Variants in NKAIN3 observed in about 807,000 individuals in gnomAD.
NKAIN3 encodes sodium/potassium transporting ATPase interacting 3, also known as sodium/potassium-transporting ATPase subunit beta-1-interacting protein 3.
Under a neutral mutation model 30.2 loss-of-function variants are expected in NKAIN3, and 25 were observed. The observed-to-expected ratio is 0.83, with a 90% CI of 0.60 to 1.16. The LOEUF (loss-of-function observed/expected upper bound fraction) is 1.16. Ranked by LOEUF, NKAIN3 falls within the 50% of genes most tolerant of loss-of-function variation. The pLI, the probability that NKAIN3 is intolerant of heterozygous loss-of-function variation, is 0.00. For synonymous variants in NKAIN3, 91 were observed against 89.6 expected (o/e 1.02, Z -0.09); for missense variants, 225 against 254.1 (o/e 0.89, Z 0.78).
chr8:62,625,644 G>A (rs745863263), intron 3 of NKAIN3, among the ~76,000 whole-genome samples: 1 of 152,092 alleles, frequency 6.6e-6, no homozygotes, highest in African/African-American at 2.4e-5. Flanking sequence ...TTCTGACAGA[G>A]AAATTAACTG....
At chr8:62,577,896 C>T (rs1810166980) in intron 1 of NKAIN3, among the ~76,000 whole-genome samples, 1 of 152,092 alleles carries the variant, frequency 6.6e-6, no homozygotes, top group Admixed American at 6.6e-5. Flanking sequence ...CTTCTCTTTT[C>T]CGCCACCGCT....
At chr8:62,263,713 A>G (rs769651319) in intron 1 of NKAIN3, among the ~76,000 whole-genome samples, 2 of 152,204 alleles carry the variant, frequency 1.3e-5, no homozygotes, top group Non-Finnish European at 2.9e-5. Context: ...TGTGACTGAA[A>G]ACATAGTGTA....
intron 4 of NKAIN3, among the ~76,000 whole-genome samples, chr8:62,886,547 CA>C (rs947052843): frequency 2.0e-5 from 3 of 152,030 alleles, no homozygotes; most frequent in Non-Finnish European, 4.4e-5. Flanking sequence ...CAAATTATCT[CA>C]ATTTTTTATT....
At chr8:62,577,477 G>A (rs200529694) in intron 1 of NKAIN3, among the ~76,000 whole-genome samples, 7 of 108,628 alleles carry the variant, frequency 6.4e-5, no homozygotes, top group African/African-American at 2.0e-4. Flanking sequence ...TTTTTTTTTT[G>A]GTTTTTTTTT....
intron 1 of NKAIN3, among the ~76,000 whole-genome samples, chr8:62,258,815 C>A (rs767421377): frequency 6.6e-6 from 1 of 152,154 alleles, no homozygotes; most frequent in Admixed American, 6.5e-5. Context: ...GAGACATAGA[C>A]CTTCCCTTTT....
chr8:62,586,014 G>T (rs17247507), intron 2 of NKAIN3, among the ~76,000 whole-genome samples: 24,867 of 152,086 alleles, frequency 0.16, 2,596 homozygotes, highest in South Asian at 0.31. Context: ...TAGCAAATTT[G>T]TTTAACATTT....
At chr8:62,452,824 T>G (rs563862160) in intron 1 of NKAIN3, among the ~76,000 whole-genome samples, 1 of 152,330 alleles carries the variant, frequency 6.6e-6, no homozygotes, top group East Asian at 1.9e-4. Context: ...TTTAGAAAAT[T>G]TCTTATGCCA....
chr8:62,702,837 T>C (rs950194333), intron 3 of NKAIN3, among the ~76,000 whole-genome samples: 1 of 152,198 alleles, frequency 6.6e-6, no homozygotes, highest in Non-Finnish European at 1.5e-5. Context: ...TGGTTTCACT[T>C]GGATTCCTAG....
At chr8:62,669,987 T>G (rs962610441) in intron 3 of NKAIN3, among the ~76,000 whole-genome samples, 2 of 152,278 alleles carry the variant, frequency 1.3e-5, no homozygotes, top group Middle Eastern at 3.4e-3. Flanking sequence ...CTCCCAATGT[T>G]TTTTTCCACA....
intron 4 of NKAIN3, among the ~76,000 whole-genome samples, chr8:62,773,718 C>A: frequency 6.6e-6 from 1 of 152,090 alleles, no homozygotes; most frequent in East Asian, 1.9e-4. Flanking sequence ...TGCCTGCCAC[C>A]ATATAAGACA....
rs926461485 is a variant in NKAIN3 at position 62,966,299 on chromosome 8, G to C, written c.*892G>C. 16 of 984,696 alleles carry C rather than the reference G, an allele frequency of 1.6e-5. No individual in the cohort carries two copies. In the African/African-American group the frequency reaches 2.8e-4, roughly 17 times the overall value. 61.0% of individuals were successfully genotyped at this position (984,696 alleles called of 1,614,324 possible). On this transcript the variant is annotated 3_prime_UTR_variant, in exon 7 of 7. Transcript: ENST00000623646. The stretch of plus-strand genomic sequence containing the variant: ...GCATTCTCTATAAATACTTCTAAAG[G>C]AGACATTCACGTGTGAGCAACATCA...
intron 1 of NKAIN3, among the ~76,000 whole-genome samples, chr8:62,401,800 C>A (rs1803881918): frequency 6.6e-6 from 1 of 152,188 alleles, no homozygotes; most frequent in African/African-American, 2.4e-5. Context: ...GTCTTTCTGT[C>A]TGAACTGAGC....
rs772332873 is a variant in NKAIN3 at position 62,875,896 on chromosome 8, A to G, written c.472-42557A>G. On this transcript the variant is annotated intron_variant, in intron 4 of 6. Transcript: ENST00000623646. ...AACCCTAGAAGAAAGCCTAGGCAATACCATTCAGGACATAGGAATGGGAAA... is the reference window on the plus strand; with the variant it reads ...AACCCTAGAAGAAAGCCTAGGCAATGCCATTCAGGACATAGGAATGGGAAA... Among the ~76,000 whole-genome samples the G allele has an allele frequency of 1.2e-4, 18 of 152,290 alleles. No homozygotes were observed. The Middle Eastern group carries it at 0.01, about 86-fold the overall frequency.
chr8:62,537,332 G>A (rs1344315491), intron 1 of NKAIN3, among the ~76,000 whole-genome samples: 2 of 152,102 alleles, frequency 1.3e-5, no homozygotes, highest in East Asian at 1.9e-4. Flanking sequence ...TTTACTTAGG[G>A]AATACCAATA....
chr8:62,911,160 A>G (rs957658696), intron 4 of NKAIN3, among the ~76,000 whole-genome samples: 1 of 152,174 alleles, frequency 6.6e-6, no homozygotes, highest in Admixed American at 6.5e-5. Context: ...ATTTTTTCCA[A>G]AAAAGAGGGA....
rs1367905949 is a variant in NKAIN3, at chr8:62,445,604, C to T, written c.55-133935C>T. 3.9e-5 allele frequency among the ~76,000 whole-genome samples: 6 copies of T among 152,156 alleles called. No individual in the cohort carries two copies. The East Asian group carries it at 1.2e-3, about 29-fold the overall frequency. On this transcript the variant is annotated intron_variant, in intron 1 of 6. Coordinates refer to ENST00000623646, the MANE Select transcript of NKAIN3 (RefSeq NM_001304533.3). ...AGGTGAAATACAAGTTGGGGAGGCA[C>T]CAAGACATCAAAGGAATGAAGCACA...
chr8:62,352,592 C>A (rs1052996795), intron 1 of NKAIN3, among the ~76,000 whole-genome samples: 5 of 152,254 alleles, frequency 3.3e-5, no homozygotes, highest in South Asian at 2.1e-4. Context: ...TCTAAAATAG[C>A]CTTCTCCCCG....
intron 3 of NKAIN3, among the ~76,000 whole-genome samples, chr8:62,643,953 A>T (rs1812385130): frequency 6.6e-6 from 1 of 152,008 alleles, no homozygotes; most frequent in Non-Finnish European, 1.5e-5. Context: ...AAATGCTCAG[A>T]CTACATTTTC....
chr8:62,718,688 G>A (rs961130885), intron 3 of NKAIN3, among the ~76,000 whole-genome samples: 1 of 151,940 alleles, frequency 6.6e-6, no homozygotes, highest in Non-Finnish European at 1.5e-5. Flanking sequence ...CTGTCATCTA[G>A]AGCAAATTTA....
Sources: allele counts gnomAD v4.1 joint callset (sites outside exome capture counted in the v4.1 genomes callset), GRCh38; gene constraint gnomAD v4.1.1; transcripts MANE v1.5; gene names NCBI Gene and HGNC (gene_info 2026-07-23, HGNC 2026-07-21).